The following DCC variants were observed in gnomAD, a reference collection of about 807,000 sequenced individuals.
DCC encodes netrin receptor DCC.
Under a neutral mutation model 172.5 loss-of-function variants are expected in DCC, and 58 were observed. The ratio of observed to expected loss-of-function variants is 0.34; its 90% CI spans 0.27 to 0.42. DCC has a LOEUF of 0.42. DCC is among the 10% of genes least tolerant of loss of function. DCC has a pLI of 1.00. For missense variants in DCC, 1,740 were observed against 1,791.0 expected, an observed-to-expected ratio of 0.97 and a Z score of 0.51; for synonymous variants, 709 against 644.5, an observed-to-expected ratio of 1.10 and a Z score of -1.52.
chr18:53,514,816 C>T (rs1461142613), intron 27 of DCC, among the ~76,000 whole-genome samples: 1 of 151,842 alleles, frequency 6.6e-6, no homozygotes, highest in African/African-American at 2.4e-5. Context: ...AATAGCTTAC[C>T]AACCAAAAAG....
intron 1 of DCC, among the ~76,000 whole-genome samples, chr18:52,531,650 C>T (rs571927046): frequency 2.4e-4 from 36 of 152,004 alleles, no homozygotes; most frequent in Non-Finnish European, 1.6e-4. Flanking sequence ...AATGAGTTTT[C>T]CATTTTTTTT....
chr18:52,446,668 CCTT>C (rs1484940897), intron 1 of DCC, among the ~76,000 whole-genome samples: 1 of 152,150 alleles, frequency 6.6e-6, no homozygotes, highest in African/African-American at 2.4e-5. Context: ...CTGGCATTCT[CCTT>C]CTAGCCACTA....
intron 2 of DCC, among the ~76,000 whole-genome samples, chr18:52,902,888 CTG>C (rs769050529): frequency 6.6e-5 from 10 of 152,188 alleles, no homozygotes; most frequent in African/African-American, 1.9e-4. Context: ...ATAATCAACT[CTG>C]TGAAATTTTC....
At chr18:53,142,505 A>ACATCCTTTTATTATAT (rs1159157991) in intron 7 of DCC, among the ~76,000 whole-genome samples, 1 of 152,152 alleles carries the variant, frequency 6.6e-6, no homozygotes, top group Non-Finnish European at 1.5e-5. Flanking sequence ...GTCTTCATGG[A>ACATCCTTTTATTATAT]GTCTACTCTT....
chr18:52,684,693 G>A (rs1423060366), intron 1 of DCC, among the ~76,000 whole-genome samples: 2 of 152,004 alleles, frequency 1.3e-5, no homozygotes, highest in Admixed American at 1.3e-4. Context: ...AAGGCATGAA[G>A]CAAGATAAGC....
At chr18:53,287,178 C>T (rs983901217) in intron 12 of DCC, among the ~76,000 whole-genome samples, 2 of 152,144 alleles carry the variant, frequency 1.3e-5, no homozygotes, top group African/African-American at 2.4e-5. Flanking sequence ...CTCTCATCTA[C>T]TTTCTGTCTT....
At chr18:52,924,799 T>C (rs2040176263) in intron 4 of DCC, among the ~76,000 whole-genome samples, 1 of 152,004 alleles carries the variant, frequency 6.6e-6, no homozygotes, top group African/African-American at 2.4e-5. Context: ...CACATCAAGG[T>C]GTGTTCTCTG....
chr18:53,191,178 G>C (rs1209389360), intron 9 of DCC, among the ~76,000 whole-genome samples: 2 of 152,090 alleles, frequency 1.3e-5, no homozygotes, highest in Non-Finnish European at 2.9e-5. Context: ...TCTTCAGAGG[G>C]GTTAATTGGC....
At chr18:53,456,723 C>T (rs151153640) in intron 23 of DCC, among the ~76,000 whole-genome samples, 15 of 152,250 alleles carry the variant, frequency 9.9e-5, no homozygotes, top group African/African-American at 3.4e-4. Flanking sequence ...TTAGAGACCC[C>T]ACTTTGGCAA....
chr18:53,456,245 G>A (rs1352782740), intron 23 of DCC, among the ~76,000 whole-genome samples: 1 of 152,154 alleles, frequency 6.6e-6, no homozygotes, highest in East Asian at 1.9e-4. Flanking sequence ...GGCACTGTGG[G>A]CAGAAATTAA....
intron 12 of DCC, among the ~76,000 whole-genome samples, chr18:53,222,283 C>G (rs182464217): frequency 6.6e-6 from 1 of 151,956 alleles, no homozygotes; most frequent in Non-Finnish European, 1.5e-5. Context: ...AAATTCAAAG[C>G]ATATCTTTGT....
chr18:53,098,013 G>A (rs573415066), intron 7 of DCC, among the ~76,000 whole-genome samples: 3 of 152,190 alleles, frequency 2.0e-5, no homozygotes, highest in South Asian at 2.1e-4. Flanking sequence ...GAAGGCATCA[G>A]CTGATGCCTT....
chr18:52,360,941 C>T (rs1286141397), intron 1 of DCC, among the ~76,000 whole-genome samples: 2 of 152,164 alleles, frequency 1.3e-5, no homozygotes, highest in African/African-American at 4.8e-5. Context: ...TATGAATGCA[C>T]AGTTAAAGTC....
chr18:52,872,242 G>A (rs207476832), intron 2 of DCC, among the ~76,000 whole-genome samples: 1 of 152,176 alleles, frequency 6.6e-6, no homozygotes, highest in African/African-American at 2.4e-5. Flanking sequence ...TATGGGAGGG[G>A]AAGAAAAGGA....
chr18:53,080,510 G>C (rs2042784763), intron 7 of DCC, among the ~76,000 whole-genome samples: 1 of 152,062 alleles, frequency 6.6e-6, no homozygotes, highest in South Asian at 2.1e-4. Flanking sequence ...GTGAAGCAAA[G>C]GAAGTAAATA....
At chr18:53,049,863 C>T (rs2042310899) in intron 5 of DCC, among the ~76,000 whole-genome samples, 1 of 152,030 alleles carries the variant, frequency 6.6e-6, no homozygotes, top group Admixed American at 6.6e-5. Context: ...TTAAAAATAA[C>T]TGACTCACAT....
At chr18:53,374,697 C>T (rs12956476) in intron 15 of DCC, among the ~76,000 whole-genome samples, 4,123 of 152,188 alleles carry the variant, frequency 0.027, 65 homozygotes, top group Middle Eastern at 0.095. Flanking sequence ...GGTATTCATA[C>T]ACGTACCCAC....
At chr18:53,339,629 T>C (rs538309310) in intron 14 of DCC, 84 bp from the exon 15 acceptor site, 5 of 1,016,874 alleles carry the variant, frequency 4.9e-6, no homozygotes, top group Non-Finnish European at 7.9e-6. Flanking sequence ...CTATGAAATA[T>C]GATTTCTCTT....
chr18:53,183,992 G>A (rs2055239957), intron 9 of DCC, among the ~76,000 whole-genome samples: 2 of 127,534 alleles, frequency 1.6e-5, no homozygotes, highest in African/African-American at 3.0e-5. Flanking sequence ...GTCTTGCCTG[G>A]CATCTCATTT....
Sources: allele counts gnomAD v4.1 joint callset (sites outside exome capture counted in the v4.1 genomes callset), GRCh38; gene constraint gnomAD v4.1.1; transcripts MANE v1.5; gene names NCBI Gene and HGNC (gene_info 2026-07-23, HGNC 2026-07-21).